Variants in PAFAH1B1 observed in about 807,000 individuals in gnomAD.
The protein encoded by PAFAH1B1 is platelet-activating factor acetylhydrolase IB subunit beta.
In PAFAH1B1, 2 loss-of-function variants were observed where a neutral mutation model predicts 57.5. That is an observed-to-expected ratio of 0.03 (90% CI 0.01 to 0.11). PAFAH1B1 has a LOEUF of 0.11. Among genes scored for constraint, PAFAH1B1 ranks in the 10% least tolerant of loss-of-function variants. PAFAH1B1 has a pLI of 1.00. For synonymous variants in PAFAH1B1, 152 were observed against 169.6 expected (o/e 0.90, Z 0.81); for missense variants, 257 against 512.0 (o/e 0.50, Z 4.81).
chr17:2,612,846 G>C (rs1368636386), intron 1 of PAFAH1B1, among the ~76,000 whole-genome samples: 1 of 151,966 alleles, frequency 6.6e-6, no homozygotes, highest in Non-Finnish European at 1.5e-5. Context: ...CTGGGCTCAA[G>C]TGATCCTCCT....
intron 1 of PAFAH1B1, among the ~76,000 whole-genome samples, chr17:2,626,955 C>T (rs749404675): frequency 6.6e-6 from 1 of 152,038 alleles, no homozygotes; most frequent in Non-Finnish European, 1.5e-5. Context: ...TTTTTTCTTA[C>T]TGACTTGTTT....
chr17:2,659,075 AC>A (rs887556897), intron 2 of PAFAH1B1, among the ~76,000 whole-genome samples: 10 of 152,050 alleles, frequency 6.6e-5, no homozygotes, highest in African/African-American at 2.4e-4. Flanking sequence ...ACATGGCAAA[AC>A]CCCGTCTCTA....
chr17:2,632,440 A>G (rs1400131987), intron 1 of PAFAH1B1, among the ~76,000 whole-genome samples: 1 of 152,226 alleles, frequency 6.6e-6, no homozygotes, highest in Non-Finnish European at 1.5e-5. Context: ...CACTTAATCC[A>G]GAGGTTTCCC....
At chr17:2,667,350 CTT>C in intron 5 of PAFAH1B1, 152 bp downstream of exon 5, 1 of 630,740 alleles carries the variant, frequency 1.6e-6, no homozygotes, top group Non-Finnish European at 2.8e-6. Context: ...AAAAAGCAGA[CTT>C]AATAGGGTGA....
chr17:2,614,498 A>G (rs2068312884), intron 1 of PAFAH1B1, among the ~76,000 whole-genome samples: 1 of 152,250 alleles, frequency 6.6e-6, no homozygotes, highest in South Asian at 2.1e-4. Context: ...ATATAGATGC[A>G]AAGAATGTGT....
chr17:2,649,505 C>T (rs540330484), intron 2 of PAFAH1B1, among the ~76,000 whole-genome samples: 22 of 148,824 alleles, frequency 1.5e-4, no homozygotes, highest in Admixed American at 3.4e-4. Flanking sequence ...ACCTGGGAGG[C>T]GGGGAGGTTG....
At chr17:2,602,261 A>C (rs1333552390) in intron 1 of PAFAH1B1, among the ~76,000 whole-genome samples, 1 of 151,966 alleles carries the variant, frequency 6.6e-6, no homozygotes, top group African/African-American at 2.4e-5. Context: ...GAAAAAAAAA[A>C]CAAAACAGCG....
intron 1 of PAFAH1B1, among the ~76,000 whole-genome samples, chr17:2,627,219 TTCAG>T (rs2068505420): frequency 2.0e-5 from 3 of 152,240 alleles, no homozygotes; most frequent in Admixed American, 2.0e-4. Flanking sequence ...AATTTTTAGT[TTCAG>T]GTCTTAGGTT....
chr17:2,644,953 A>G lies in PAFAH1B1; in HGVS notation c.32+6633A>G, dbSNP rs531133228. Among the ~76,000 whole-genome samples the G allele has an allele frequency of 6.6e-5, 10 of 152,332 alleles. No homozygotes were observed. In the South Asian group the frequency reaches 2.1e-3, roughly 32 times the overall value. On this transcript the variant is annotated intron_variant, in intron 2 of 10. Coordinates refer to ENST00000397195, the MANE Select transcript of PAFAH1B1 (RefSeq NM_000430.4). ...TAGAGAGCTTTAGATAAATAATTTA[A>G]AATGTTCATCAGGCCAGGTGTGGTG...
chr17:2,673,571 G>A (rs996967237), intron 7 of PAFAH1B1: 4 of 161,328 alleles, frequency 2.5e-5, no homozygotes, highest in African/African-American at 9.7e-5. Flanking sequence ...CCTGGGAGGT[G>A]GAGCCTGCAG....
chr17:2,595,023 A>G (rs1434175493), intron 1 of PAFAH1B1, among the ~76,000 whole-genome samples: 1 of 152,178 alleles, frequency 6.6e-6, no homozygotes, highest in Non-Finnish European at 1.5e-5. Context: ...CTCCTTGGGA[A>G]GAGGGCAGGA....
At chr17:2,659,353 A>G (rs2068982681) in intron 2 of PAFAH1B1, 1 of 225,466 alleles carries the variant, frequency 4.4e-6, no homozygotes, top group Middle Eastern at 1.9e-3. Context: ...CCTTGCCAAT[A>G]TGGTGAAACC....
chr17:2,608,080 TTTTC>T (rs1347802961), intron 1 of PAFAH1B1, among the ~76,000 whole-genome samples: 1 of 152,062 alleles, frequency 6.6e-6, no homozygotes, highest in Non-Finnish European at 1.5e-5. Flanking sequence ...TGATACCATA[TTTTC>T]TTTTTCTTTT....
chr17:2,623,123 G>A (rs1027343091), intron 1 of PAFAH1B1, among the ~76,000 whole-genome samples: 1 of 152,200 alleles, frequency 6.6e-6, no homozygotes, highest in Non-Finnish European at 1.5e-5. Flanking sequence ...GATGGGAGGG[G>A]CTGCTGCCAG....
At chr17:2,677,953 G>A in intron 9 of PAFAH1B1, among the ~76,000 whole-genome samples, 1 of 152,050 alleles carries the variant, frequency 6.6e-6, no homozygotes, top group Non-Finnish European at 1.5e-5. Flanking sequence ...AAGAAAAGAT[G>A]ATATATAATT....
At chr17:2,599,151 T>C (rs2068113520) in intron 1 of PAFAH1B1, among the ~76,000 whole-genome samples, 1 of 152,226 alleles carries the variant, frequency 6.6e-6, no homozygotes, top group Non-Finnish European at 1.5e-5. Flanking sequence ...TTTCTAAATA[T>C]TGAGCTTGGT....
At chr17:2,607,440 G>T (rs753295993) in intron 1 of PAFAH1B1, among the ~76,000 whole-genome samples, 6 of 151,078 alleles carry the variant, frequency 4.0e-5, no homozygotes, top group Middle Eastern at 3.4e-3. Flanking sequence ...CTCCCAAAGC[G>T]CTGGGATTAC....
At position 2,678,514 on chromosome 17, in the gene PAFAH1B1, C is replaced by T. The variant is rs570630025; in HGVS notation, c.1003-1650C>T. Among the ~76,000 whole-genome samples, 239 of 151,814 alleles carry T rather than the reference C, an allele frequency of 1.6e-3. 1 individual carries two copies. The highest frequency in any genetic ancestry group is 5.5e-3 in the African/African-American group (227 of 41,376). ...CTGGGAGACGGAGGTTGCAGTGAGC[C>T]GAGATCGCACCATTGCCCTCCATCC... On this transcript the variant is annotated intron_variant, in intron 9 of 10. Coordinates refer to ENST00000397195, the MANE Select transcript of PAFAH1B1 (RefSeq NM_000430.4).
intron 2 of PAFAH1B1, among the ~76,000 whole-genome samples, chr17:2,646,208 C>A (rs1270589778): frequency 3.3e-5 from 5 of 151,762 alleles, no homozygotes; most frequent in Non-Finnish European, 7.4e-5. Flanking sequence ...TTGATAAAAC[C>A]AAAAACTAGC....
Sources: gnomAD v4.1 joint callset for allele counts (sites outside exome capture counted in the v4.1 genomes callset) on GRCh38, gnomAD v4.1.1 for gene constraint, MANE v1.5 for transcripts, NCBI Gene and HGNC (gene_info 2026-07-23, HGNC 2026-07-21) for gene names.